MTA3: variants seen among roughly 807,000 people sequenced by gnomAD.
MTA3 encodes metastasis associated 1 family member 3, also known as metastasis-associated protein MTA3.
In MTA3, 34 loss-of-function variants were observed where a neutral mutation model predicts 83.5. The observed-to-expected ratio is 0.41, with a 90% CI of 0.31 to 0.54. The LOEUF (loss-of-function observed/expected upper bound fraction) is 0.54. Ranked by LOEUF, MTA3 falls within the 20% of genes least tolerant of loss-of-function variation. MTA3 has a pLI of 0.33. For synonymous variants in MTA3, 303 were observed against 252.7 expected (o/e 1.20, Z -1.89); for missense variants, 761 against 726.4 (o/e 1.05, Z -0.55).
intron 16 of MTA3, among the ~76,000 whole-genome samples, chr2:42,741,299 C>G (rs1165906927): frequency 6.6e-6 from 1 of 152,218 alleles, no homozygotes; most frequent in Non-Finnish European, 1.5e-5. Flanking sequence ...AGGCCACTTT[C>G]TCCTTATCAG....
At chr2:42,501,512 A>C (rs528728629) in intron 2 of MTA3, among the ~76,000 whole-genome samples, 1 of 152,160 alleles carries the variant, frequency 6.6e-6, no homozygotes, top group Non-Finnish European at 1.5e-5. Context: ...CACTCCTAAC[A>C]CTGTAGCTTC....
intron 3 of MTA3, among the ~76,000 whole-genome samples, chr2:42,599,248 C>T (rs547583539): frequency 6.6e-6 from 1 of 152,236 alleles, no homozygotes; most frequent in East Asian, 1.9e-4. Context: ...GTGCATCTTT[C>T]TAGCAACATT....
In MTA3 at chr2:42,659,817, T is replaced by C; in HGVS notation, c.657T>C (p.Pro219=). 1.2e-6 allele frequency: 2 copies of C among 1,609,130 alleles called. No individual in the cohort carries two copies. The highest frequency in any genetic ancestry group is 1.3e-5 in the African/African-American group (1 of 74,816). ...ALDCSSSVRQ[P]SLHMSAAAAS... is the part of the protein sequence containing the mutation. The stretch of plus-strand genomic sequence containing the variant: ...ATTGCAGCAGTTCTGTGAGGCAGCC[T>C]AGTTTGCATATGAGTGCTGCTGCAG... The change falls in exon 8 of 17, where the codon CCT becomes CCC. Residue 219 remains proline, a synonymous_variant. Coordinates refer to ENST00000405094, the MANE Select transcript of MTA3 (RefSeq NM_001330442.2).
intron 8 of MTA3, among the ~76,000 whole-genome samples, chr2:42,661,147 C>T (rs952134954): frequency 2.6e-5 from 4 of 152,116 alleles, no homozygotes; most frequent in African/African-American, 9.7e-5. Flanking sequence ...TTAGGATCTC[C>T]AAAATGGGTT....
chr2:42,747,910 A>G (rs1669559633), intron 16 of MTA3, among the ~76,000 whole-genome samples: 1 of 151,838 alleles, frequency 6.6e-6, no homozygotes, highest in Non-Finnish European at 1.5e-5. Flanking sequence ...ATCACCCCCA[A>G]CAGTTTTCTT....
chr2:42,556,303 AG>A (rs2103788905), intron 2 of MTA3, among the ~76,000 whole-genome samples: 1 of 152,290 alleles, frequency 6.6e-6, no homozygotes, highest in Admixed American at 6.5e-5. Context: ...CTGATTCTGG[AG>A]GAGAGCCCTA....
chr2:42,553,785 T>G (rs1465793602), intron 2 of MTA3, among the ~76,000 whole-genome samples: 2 of 147,074 alleles, frequency 1.4e-5, no homozygotes, highest in Non-Finnish European at 3.0e-5. Context: ...CATGCATACT[T>G]GAGACTTCTT....
At chr2:42,732,908 C>A (rs1397782356) in intron 16 of MTA3, among the ~76,000 whole-genome samples, 1 of 152,208 alleles carries the variant, frequency 6.6e-6, no homozygotes, top group Admixed American at 6.5e-5. Flanking sequence ...AGTTCCTCAT[C>A]CCCACCTGAG....
chr2:42,667,621 A>G lies in MTA3; in HGVS notation c.702+7759A>G, dbSNP rs76825350. Among the ~76,000 whole-genome samples the G allele has an allele frequency of 6.5e-3, 740 of 113,990 alleles. 4 individuals carry two copies. Among genetic ancestry groups the G allele is most frequent in the African/African-American group, 9.8e-3 (300 of 30,768 alleles). The allele number at this position is 113,990 out of a possible 152,430, so 74.8% of individuals were successfully genotyped here. ...GTGTGTGTGTGTGTATAGAGAGAGAAAGAGAGAGAGAGAGAGAGAGAGAGA... is the reference window on the plus strand; with the variant it reads ...GTGTGTGTGTGTGTATAGAGAGAGAGAGAGAGAGAGAGAGAGAGAGAGAGA... On this transcript the variant is annotated intron_variant, in intron 8 of 16. Coordinates refer to ENST00000405094, the MANE Select transcript of MTA3 (RefSeq NM_001330442.2).
At chr2:42,752,909 G>A (rs903463233) in intron 16 of MTA3, among the ~76,000 whole-genome samples, 1 of 149,724 alleles carries the variant, frequency 6.7e-6, no homozygotes, top group African/African-American at 2.5e-5. Context: ...TTGATCCAGT[G>A]TTAAACTACA....
chr2:42,512,143 T>C (rs1032658544), intron 2 of MTA3, among the ~76,000 whole-genome samples: 1 of 151,600 alleles, frequency 6.6e-6, no homozygotes, highest in African/African-American at 2.4e-5. Flanking sequence ...TTCCTTTTTT[T>C]TTTGTTTTTG....
At chr2:42,668,253 A>G (rs1463608170) in intron 8 of MTA3, among the ~76,000 whole-genome samples, 1 of 152,206 alleles carries the variant, frequency 6.6e-6, no homozygotes. Flanking sequence ...GCTGTTTGCA[A>G]CATTAGCTGC....
rs2104614837 is a variant in MTA3 at position 42,754,916 on chromosome 2, T to C, written c.*1517T>C. On this transcript the variant is annotated 3_prime_UTR_variant, in exon 17 of 17. Coordinates refer to ENST00000405094, the MANE Select transcript of MTA3 (RefSeq NM_001330442.2). ...TTTGCAGACATCTCAGCTTCTTTTC[T>C]GAGGAGGAGTTGGTTCTCATCTTAG... 1.0e-6 allele frequency: 1 copy of C among 985,560 alleles called. No homozygotes were observed. Among genetic ancestry groups the C allele is most frequent in the East Asian group, 1.1e-4 (1 of 8,812 alleles). 61.1% of individuals were successfully genotyped at this position (985,560 alleles called of 1,614,324 possible). A position where few individuals can be genotyped will look rare whatever the true frequency, so the allele number is the denominator to read the frequency against.
At chr2:42,587,388 A>G (rs1680466798) in intron 3 of MTA3, among the ~76,000 whole-genome samples, 1 of 152,036 alleles carries the variant, frequency 6.6e-6, no homozygotes, top group African/African-American at 2.4e-5. Flanking sequence ...AACTCCCTAT[A>G]TCAGGACCCC....
chr2:42,506,582 G>A (rs1558402643), intron 2 of MTA3, among the ~76,000 whole-genome samples: 1 of 151,904 alleles, frequency 6.6e-6, no homozygotes. Context: ...ATAGAGAGGT[G>A]TAGGCGGGGG....
At chr2:42,746,569 C>G (rs1388601463) in intron 16 of MTA3, among the ~76,000 whole-genome samples, 2 of 152,206 alleles carry the variant, frequency 1.3e-5, no homozygotes, top group African/African-American at 4.8e-5. Flanking sequence ...CACCCGACTT[C>G]CAGTGGCATT....
intron 14 of MTA3, among the ~76,000 whole-genome samples, chr2:42,716,353 G>A (rs1169125865): frequency 1.3e-5 from 2 of 152,066 alleles, no homozygotes; most frequent in Admixed American, 1.3e-4. Context: ...AAAAAGTTCA[G>A]GGGTACATGT....
intron 4 of MTA3, among the ~76,000 whole-genome samples, chr2:42,622,984 AG>A (rs1685727988): frequency 6.6e-6 from 1 of 152,240 alleles, no homozygotes; most frequent in African/African-American, 2.4e-5. Flanking sequence ...TACAAAAGCC[AG>A]AAGAGATTCA....
At chr2:42,643,384 T>C (rs951362462) in intron 5 of MTA3, among the ~76,000 whole-genome samples, 5 of 152,178 alleles carry the variant, frequency 3.3e-5, no homozygotes, top group South Asian at 2.1e-4. Flanking sequence ...CTAGTGGTTA[T>C]ACGGAATTCA....
Sources: gnomAD v4.1 joint callset for allele counts (sites outside exome capture counted in the v4.1 genomes callset) on GRCh38, gnomAD v4.1.1 for gene constraint, MANE v1.5 for transcripts, NCBI Gene and HGNC (gene_info 2026-07-23, HGNC 2026-07-21) for gene names.